Variants in TRIM22 observed in about 807,000 individuals in gnomAD.
TRIM22 encodes tripartite motif containing 22.
A neutral mutation model predicts 53.6 loss-of-function variants in TRIM22; 45 were observed. The ratio of observed to expected loss-of-function variants is 0.84; its 90% confidence interval spans 0.66 to 1.08. The LOEUF (loss-of-function observed/expected upper bound fraction) is 1.08, where lower values mean the gene tolerates loss of function less well. Ranked by LOEUF, TRIM22 falls within the 50% of genes least tolerant of loss-of-function variation. The probability of loss-of-function intolerance (pLI) is 0.00; values close to 1 mark genes in which losing one functional copy is unlikely to be tolerated. For missense variants in TRIM22, 616 were observed against 590.9 expected (o/e 1.04, Z -0.44); for synonymous variants, 225 against 216.6 (o/e 1.04, Z -0.34).
chr11:5,698,201 T>G, intron 3 of TRIM22, 114 bp from the exon 4 acceptor site: 1 of 825,718 alleles, frequency 1.2e-6, no homozygotes, highest in Non-Finnish European at 2.0e-6. Flanking sequence ...TTTTGCCTCC[T>G]ATTCCTTTTG....
intron 7 of TRIM22, 106 bp downstream of exon 7, chr11:5,708,709 TGTAG>T: frequency 1.0e-6 from 1 of 990,482 alleles, no homozygotes; most frequent in Non-Finnish European, 1.4e-6. Flanking sequence ...GCTTAAACCA[TGTAG>T]TTCTTTTTTT....
At chr11:5,708,767 A>C (rs925750185) in intron 7 of TRIM22, among the ~76,000 whole-genome samples, 164 bp downstream of exon 7, 2 of 146,834 alleles carry the variant, frequency 1.4e-5, no homozygotes, top group Non-Finnish European at 3.0e-5. Flanking sequence ...CCCAGGCTGG[A>C]GTGCAATGGC....
intron 4 of TRIM22, among the ~76,000 whole-genome samples, chr11:5,701,190 C>T (rs1457975103): frequency 6.6e-6 from 1 of 152,096 alleles, no homozygotes; most frequent in South Asian, 2.1e-4. Context: ...TTACTTGGCT[C>T]TGGATTAGGG....
intron 1 of TRIM22, among the ~76,000 whole-genome samples, chr11:5,693,046 T>C (rs1464360964): frequency 6.6e-6 from 1 of 151,604 alleles, no homozygotes; most frequent in Non-Finnish European, 1.5e-5. Flanking sequence ...TGGCTAATGT[T>C]TGTATATATA....
intron 1 of TRIM22, among the ~76,000 whole-genome samples, chr11:5,692,018 A>T (rs1853181227): frequency 6.6e-6 from 1 of 152,214 alleles, no homozygotes; most frequent in Non-Finnish European, 1.5e-5. Context: ...TAGTAAAAAA[A>T]CAAAAACAAA....
At chr11:5,703,644 C>G (rs1171217488) in intron 4 of TRIM22, among the ~76,000 whole-genome samples, 1 of 152,030 alleles carries the variant, frequency 6.6e-6, no homozygotes, top group East Asian at 1.9e-4. Flanking sequence ...CTCAGCCTCC[C>G]AAAGTGCTGG....
In TRIM22 at chr11:5,710,793, A is replaced by G. The variant is rs1378710081; in HGVS notation, c.*1145A>G. On this transcript the variant is annotated 3_prime_UTR_variant, in exon 8 of 8. Coordinates refer to ENST00000379965, the MANE Select transcript of TRIM22 (RefSeq NM_006074.5). ...TACTGAAAAGATGTCAGCCATTTCA[A>G]TGTCTTGGGAAACAATTTTTTGTTT... 2 of 152,168 alleles carry G rather than the reference A, an allele frequency of 1.3e-5. No homozygotes were observed. Among genetic ancestry groups the G allele is most frequent in the Non-Finnish European group, 2.9e-5 (2 of 68,014 alleles). The allele number at this position is 152,168 out of a possible 1,614,324, so 9.4% of individuals were successfully genotyped here.
intron 2 of TRIM22, 117 bp from the exon 3 acceptor site, chr11:5,697,131 C>T (rs1853277339): frequency 1.4e-6 from 1 of 707,584 alleles, no homozygotes; most frequent in Non-Finnish European, 2.3e-6. Context: ...AATCACCAGC[C>T]TCACTGTTTC....
intron 1 of TRIM22, among the ~76,000 whole-genome samples, chr11:5,692,824 AACCCCTT>A: frequency 6.6e-6 from 1 of 150,632 alleles, no homozygotes; most frequent in South Asian, 2.1e-4. Flanking sequence ...TTGATGGCTA[AACCCCTT>A]ATAATTTTTC....
chr11:5,690,777 G>A (rs750209797), intron 1 of TRIM22, among the ~76,000 whole-genome samples: 10 of 152,080 alleles, frequency 6.6e-5, no homozygotes, highest in East Asian at 1.9e-4. Context: ...CCTTTCTCCC[G>A]AAGAAGCCTG....
At position 5,697,333 on chromosome 11, in the gene TRIM22, C is replaced by A. The variant is rs1853282969; in HGVS notation, c.509C>A (p.Thr170Asn). 2 of 1,613,002 alleles carry A rather than the reference C, an allele frequency of 1.2e-6. No individual in the cohort carries two copies. Among genetic ancestry groups the A allele is most frequent in the Middle Eastern group, 1.7e-4 (1 of 6,002 alleles). Residue 170 changes from threonine to asparagine, a missense_variant, in exon 3 of 8, where the codon ACC becomes AAC. Physicochemically the swap from Thr to Asn is moderately conservative, Grantham distance 65 (BLOSUM62 0). Coordinates refer to ENST00000379965, the MANE Select transcript of TRIM22 (RefSeq NM_006074.5). ...KLEDDIRQERTAWKNYIQIER... is the reference protein window; with the variant it reads ...KLEDDIRQERNAWKNYIQIER... ...GAAGATGACATCAGACAAGAGAGAACCGCCTGGAAGGCAGGAGGAGACACC... is the reference window on the plus strand; with the variant it reads ...GAAGATGACATCAGACAAGAGAGAAACGCCTGGAAGGCAGGAGGAGACACC...
At chr11:5,707,811 CA>C (rs1366613773) in intron 5 of TRIM22, among the ~76,000 whole-genome samples, 2 of 141,462 alleles carry the variant, frequency 1.4e-5, no homozygotes, top group African/African-American at 5.4e-5. Context: ...GACCCCATCT[CA>C]AAACAAACAA....
rs1853532555 is a variant in TRIM22 at position 5,709,952 on chromosome 11, G to A, written c.*304G>A. ...TGCCTCTCTCCTTGGCTTGTAGAAG[G>A]CATCTTGTCCCTATGACTCTTCACA... On this transcript the variant is annotated 3_prime_UTR_variant, in exon 8 of 8. Transcript: ENST00000379965. 4 of 336,762 alleles carry A rather than the reference G, an allele frequency of 1.2e-5. No individual in the cohort carries two copies. In the South Asian group the frequency reaches 2.5e-4, roughly 21 times the overall value. 20.9% of individuals were successfully genotyped at this position (336,762 alleles called of 1,614,324 possible).
chr11:5,701,675 A>C (rs1460303872), intron 4 of TRIM22, among the ~76,000 whole-genome samples: 1 of 152,178 alleles, frequency 6.6e-6, no homozygotes, highest in Non-Finnish European at 1.5e-5. Flanking sequence ...ACCTCATACA[A>C]AAAAATTGTC....
Position 5,709,305 on chromosome 11 carries a change from G to A in TRIM22, c.1154G>A (p.Gly385Glu). ...AGTCTGAATAAAAGGAAGAGCTCTG[G>A]GTTTGCTTTTGATCCAAGTGTAAAT... Reference protein sequence around the residue: ...ISSLNKRKSSGFAFDPSVNYS... With the variant: ...ISSLNKRKSSEFAFDPSVNYS... Residue 385 changes from glycine (G) to glutamate (E), a missense_variant, in exon 8 of 8, where the codon GGG becomes GAG. Gly to Glu is a moderately conservative substitution (Grantham distance 98). Coordinates refer to ENST00000379965, the MANE Select transcript of TRIM22 (RefSeq NM_006074.5). 1 of 1,613,912 alleles carries A rather than the reference G, an allele frequency of 6.2e-7. No homozygotes were observed. The highest frequency in any genetic ancestry group is 1.1e-5 in the South Asian group (1 of 91,068).
chr11:5,695,270 G>C (rs1245653406), intron 1 of TRIM22, among the ~76,000 whole-genome samples: 2 of 152,198 alleles, frequency 1.3e-5, no homozygotes, highest in East Asian at 1.9e-4. Flanking sequence ...TCTAAGAGGA[G>C]ACTGAATTAA....
Position 5,698,329 on chromosome 11 carries a change from C to T in TRIM22, c.534C>T (p.Ile178=), listed in dbSNP as rs369214997. 123 of 1,613,940 alleles carry T rather than the reference C, an allele frequency of 7.6e-5. No homozygotes were observed. The highest frequency in any genetic ancestry group is 2.0e-4 in the East Asian group (9 of 44,882). ...TCATTCCCAAGAATTATATCCAGATCGAGAGACAGAAGATTCTGAAAGGGT... is the reference window on the plus strand; with the variant it reads ...TCATTCCCAAGAATTATATCCAGATTGAGAGACAGAAGATTCTGAAAGGGT... ...ERTAWKNYIQ[I]ERQKILKGFN... Residue 178 remains isoleucine (I), a synonymous_variant, in exon 4 of 8, where the codon ATC becomes ATT. Coordinates refer to ENST00000379965, the MANE Select transcript of TRIM22 (RefSeq NM_006074.5).
chr11:5,692,080 G>T (rs1853182432), intron 1 of TRIM22, among the ~76,000 whole-genome samples: 1 of 152,160 alleles, frequency 6.6e-6, no homozygotes, highest in South Asian at 2.1e-4. Context: ...ACCGGTAAGA[G>T]ATTATGCTCT....
intron 5 of TRIM22, among the ~76,000 whole-genome samples, chr11:5,706,916 G>A (rs750406295): frequency 6.6e-6 from 1 of 152,082 alleles, no homozygotes; most frequent in Non-Finnish European, 1.5e-5. Context: ...TTGCATAGAT[G>A]CCTGTCTTAT....
Sources: allele counts gnomAD v4.1 joint callset (sites outside exome capture counted in the v4.1 genomes callset), GRCh38; gene constraint gnomAD v4.1.1; transcripts MANE v1.5; gene names NCBI Gene and HGNC (gene_info 2026-07-23, HGNC 2026-07-21).